GALNT13: variants seen among roughly 807,000 people sequenced by gnomAD.
GALNT13 encodes the protein polypeptide N-acetylgalactosaminyltransferase 13, also known as UDP-GalNAc:polypeptide N-acetylgalactosaminyltransferase 13.
GALNT13 carries 28 observed loss-of-function variants against 64.2 expected under a neutral mutation model. That is an observed-to-expected ratio of 0.44 (90% CI 0.32 to 0.60). GALNT13 has a LOEUF of 0.60. GALNT13 is among the 20% of genes least tolerant of loss of function. GALNT13 has a pLI of 0.05. For missense variants in GALNT13, 577 were observed against 669.8 expected, an observed-to-expected ratio of 0.86 and a Z score of 1.53; for synonymous variants, 214 against 224.6, an observed-to-expected ratio of 0.95 and a Z score of 0.42.
At chr2:154,100,152 GCTTTTTT>G (rs1702273053) in intron 3 of GALNT13, among the ~76,000 whole-genome samples, 1 of 151,990 alleles carries the variant, frequency 6.6e-6, no homozygotes, top group Admixed American at 6.6e-5. Flanking sequence ...TATGCCTCTA[GCTTTTTT>G]CTTTTTTCTT....
the GALNT13 span, among the ~76,000 whole-genome samples, chr2:153,133,957 C>T: frequency 4.6e-5 from 7 of 152,176 alleles, no homozygotes; most frequent in Non-Finnish European, 8.8e-5. Flanking sequence ...CTGGGTGTTT[C>T]AGTCATTTGG....
the GALNT13 span, among the ~76,000 whole-genome samples, chr2:153,330,874 T>C: frequency 6.6e-6 from 1 of 152,206 alleles, no homozygotes; most frequent in Non-Finnish European, 1.5e-5. Flanking sequence ...AGGGAATGCT[T>C]TCAACTTTTG....
At chr2:153,350,126 T>G in the GALNT13 span, among the ~76,000 whole-genome samples, 1 of 152,168 alleles carries the variant, frequency 6.6e-6, no homozygotes, top group Non-Finnish European at 1.5e-5. Flanking sequence ...CATACTTATT[T>G]TATTCTAATT....
At chr2:153,213,809 A>T in the GALNT13 span, among the ~76,000 whole-genome samples, 2 of 152,202 alleles carry the variant, frequency 1.3e-5, no homozygotes, top group Non-Finnish European at 2.9e-5. Flanking sequence ...ATATATGACA[A>T]ATTGTAGGGC....
At chr2:154,103,636 A>G (rs1336275111) in intron 3 of GALNT13, among the ~76,000 whole-genome samples, 2 of 152,168 alleles carry the variant, frequency 1.3e-5, no homozygotes, top group Non-Finnish European at 2.9e-5. Context: ...TTGATTTGAT[A>G]GGACTTTTAA....
At chr2:153,165,112 T>C in the GALNT13 span, among the ~76,000 whole-genome samples, 1 of 152,256 alleles carries the variant, frequency 6.6e-6, no homozygotes, top group Non-Finnish European at 1.5e-5. Flanking sequence ...GATTATCATG[T>C]TGCCTTCTGG....
At chr2:153,681,306 G>A in the GALNT13 span, among the ~76,000 whole-genome samples, 11 of 151,716 alleles carry the variant, frequency 7.3e-5, no homozygotes, top group Non-Finnish European at 1.5e-4. Context: ...TTGTGACCTT[G>A]GATTATGTCA....
chr2:154,053,278 C>T (rs1386415397), intron 3 of GALNT13, among the ~76,000 whole-genome samples: 3 of 152,126 alleles, frequency 2.0e-5, no homozygotes, highest in African/African-American at 7.2e-5. Context: ...CAATTCTTCG[C>T]ATTAACATCG....
At chr2:154,339,555 A>G (rs1695640238) in intron 9 of GALNT13, among the ~76,000 whole-genome samples, 2 of 152,162 alleles carry the variant, frequency 1.3e-5, no homozygotes, top group African/African-American at 2.4e-5. Flanking sequence ...TAGTTCTTAT[A>G]GAGACATGTT....
the GALNT13 span, among the ~76,000 whole-genome samples, chr2:153,439,836 T>C: frequency 6.6e-6 from 1 of 152,186 alleles, no homozygotes; most frequent in Non-Finnish European, 1.5e-5. Context: ...CTGCATCCAC[T>C]GTCCGGCACT....
the GALNT13 span, among the ~76,000 whole-genome samples, chr2:153,211,029 AC>A: frequency 6.6e-6 from 1 of 152,308 alleles, no homozygotes; most frequent in Non-Finnish European, 1.5e-5. Flanking sequence ...ACACATTTAT[AC>A]CCAATTATGT....
At chr2:153,390,780 C>T in the GALNT13 span, among the ~76,000 whole-genome samples, 1 of 151,994 alleles carries the variant, frequency 6.6e-6, no homozygotes, top group African/African-American at 2.4e-5. Flanking sequence ...CTTACGATTC[C>T]CGGCAGTTGT....
the GALNT13 span, among the ~76,000 whole-genome samples, chr2:153,568,774 T>C: frequency 6.6e-6 from 1 of 152,178 alleles, no homozygotes; most frequent in South Asian, 2.1e-4. Context: ...CCTTAGCACA[T>C]ACATACCTCC....
At chr2:154,239,435 C>A (rs2105864405) in intron 4 of GALNT13, among the ~76,000 whole-genome samples, 1 of 152,008 alleles carries the variant, frequency 6.6e-6, no homozygotes, top group Admixed American at 6.6e-5. Flanking sequence ...GGATGATGAT[C>A]TTTACCTTAC....
intron 1 of GALNT13, among the ~76,000 whole-genome samples, chr2:153,886,722 A>C (rs1400173901): frequency 6.6e-6 from 1 of 152,044 alleles, no homozygotes; most frequent in Non-Finnish European, 1.5e-5. Context: ...GAGGACAGTA[A>C]CTTGTGGGCA....
chr2:154,040,094 T>C lies in GALNT13; in HGVS notation c.142+95455T>C, dbSNP rs901902009. Reference sequence around the variant, plus strand: ...AATTATTCAATGCCTACTACATATCTGTCAGACACTTGATAAGTGTTGAAT... The same window carrying C: ...AATTATTCAATGCCTACTACATATCCGTCAGACACTTGATAAGTGTTGAAT... On this transcript the variant is annotated intron_variant, in intron 3 of 12. Transcript: ENST00000392825. Among the ~76,000 whole-genome samples the C allele has an allele frequency of 2.1e-5, 3 of 141,036 alleles. 1 individual carries two copies. Among genetic ancestry groups the C allele is most frequent in the Non-Finnish European group, 4.9e-5 (3 of 61,392 alleles). The allele number at this position is 141,036 out of a possible 152,430, so 92.5% of individuals were successfully genotyped here. A position where few individuals can be genotyped will look rare whatever the true frequency, so the allele number is the denominator to read the frequency against.
At chr2:154,352,329 A>T (rs1305166777) in intron 9 of GALNT13, among the ~76,000 whole-genome samples, 3 of 152,172 alleles carry the variant, frequency 2.0e-5, no homozygotes, top group African/African-American at 7.2e-5. Flanking sequence ...AGTTTATAAG[A>T]TTATGCCAAG....
chr2:154,178,613 G>A (rs1559007660), intron 4 of GALNT13, among the ~76,000 whole-genome samples: 1 of 152,112 alleles, frequency 6.6e-6, no homozygotes. Context: ...TCTGCACACG[G>A]AGTTGGTCAC....
At chr2:154,007,928 G>A (rs147485541) in intron 3 of GALNT13, among the ~76,000 whole-genome samples, 25 of 151,992 alleles carry the variant, frequency 1.6e-4, no homozygotes, top group African/African-American at 5.3e-4. Context: ...TGTATTCAAC[G>A]CAAAGATAGA....
Sources: gnomAD v4.1 joint callset for allele counts (sites outside exome capture counted in the v4.1 genomes callset) on GRCh38, gnomAD v4.1.1 for gene constraint, MANE v1.5 for transcripts, NCBI Gene and HGNC (gene_info 2026-07-23, HGNC 2026-07-21) for gene names.